RBFOX1: variants seen among roughly 807,000 people sequenced by gnomAD.
RBFOX1 encodes RNA binding fox-1 homolog 1.
A neutral mutation model predicts 57.7 loss-of-function variants in RBFOX1; 8 were observed. The ratio of observed to expected loss-of-function variants is 0.14; its 90% CI spans 0.08 to 0.25. The LOEUF (loss-of-function observed/expected upper bound fraction) is 0.25, where lower values mean the gene tolerates loss of function less well. Among genes scored for constraint, RBFOX1 ranks in the 10% least tolerant of loss-of-function variants. RBFOX1 has a pLI of 1.00. For synonymous variants in RBFOX1, 326 were observed against 222.4 expected (o/e 1.47, Z -4.15); for missense variants, 611 against 548.5 (o/e 1.11, Z -1.14).
chr16:7,005,863 T>C (rs1188753241), intron 3 of RBFOX1, among the ~76,000 whole-genome samples: 2 of 152,176 alleles, frequency 1.3e-5, no homozygotes, highest in African/African-American at 4.8e-5. Context: ...TTCACTAAAT[T>C]CTTCCCTTCT....
chr16:7,436,113 C>T (rs1330199413), intron 4 of RBFOX1, among the ~76,000 whole-genome samples: 1 of 152,098 alleles, frequency 6.6e-6, no homozygotes, highest in Admixed American at 6.5e-5. Context: ...CTCAAGATAG[C>T]CTTTTTGGAG....
chr16:7,022,433 C>G (rs889991078), intron 3 of RBFOX1, among the ~76,000 whole-genome samples: 1 of 151,966 alleles, frequency 6.6e-6, no homozygotes, highest in Non-Finnish European at 1.5e-5. Flanking sequence ...TATCTTCATG[C>G]CCCACATTTC....
intron 1 of RBFOX1, among the ~76,000 whole-genome samples, chr16:6,137,288 T>A (rs569126076): frequency 6.6e-6 from 1 of 152,288 alleles, no homozygotes; most frequent in East Asian, 1.9e-4. Flanking sequence ...CATATATTAT[T>A]TATCTTTCAC....
rs147761289 is a variant in RBFOX1 at position 7,419,536 on chromosome 16, C to G, written c.28-98611C>G. Among the ~76,000 whole-genome samples the G allele has an allele frequency of 3.9e-5, 6 of 152,354 alleles. No individual in the cohort carries two copies. In the East Asian group the frequency reaches 5.8e-4, roughly 15 times the overall value. ...TTTCCTGCGCATTTGAATAATACAT[C>G]TGATTACCATGGCAAATGTTGCGGC... On this transcript the variant is annotated intron_variant, in intron 4 of 15. Coordinates refer to ENST00000550418, the MANE Select transcript of RBFOX1 (RefSeq NM_018723.4).
intron 4 of RBFOX1, among the ~76,000 whole-genome samples, chr16:7,110,308 C>G (rs963859266): frequency 6.6e-6 from 1 of 151,918 alleles, no homozygotes. Flanking sequence ...CTGTGGTGAA[C>G]TATGATCATG....
At chr16:5,250,390 A>T (rs982295426) in intron 1 of RBFOX1, among the ~76,000 whole-genome samples, 1 of 152,030 alleles carries the variant, frequency 6.6e-6, no homozygotes, top group African/African-American at 2.4e-5. Context: ...CCCCGCATGC[A>T]TTAGGTATTT....
At chr16:6,296,785 C>T (rs892416064) in intron 1 of RBFOX1, among the ~76,000 whole-genome samples, 2 of 152,168 alleles carry the variant, frequency 1.3e-5, no homozygotes, top group African/African-American at 2.4e-5. Context: ...CATGAGTTTA[C>T]TTGCCAGAGG....
intron 2 of RBFOX1, among the ~76,000 whole-genome samples, chr16:6,428,590 A>G (rs1455432451): frequency 6.6e-6 from 1 of 152,152 alleles, no homozygotes; most frequent in African/African-American, 2.4e-5. Context: ...GATTCTAGGA[A>G]TTAATGTATG....
intron 3 of RBFOX1, among the ~76,000 whole-genome samples, chr16:5,655,907 G>A (rs1055703121): frequency 6.6e-6 from 1 of 152,192 alleles, no homozygotes; most frequent in African/African-American, 2.4e-5. Flanking sequence ...TTGTAGATTA[G>A]GTAGATCTCC....
intron 3 of RBFOX1, among the ~76,000 whole-genome samples, chr16:6,863,300 C>T (rs2059333578): frequency 6.6e-6 from 1 of 152,040 alleles, no homozygotes; most frequent in African/African-American, 2.4e-5. Context: ...AAGTGATTAG[C>T]AGCAAATGGT....
chr16:5,799,111 A>AT (rs2054975402), intron 3 of RBFOX1, among the ~76,000 whole-genome samples: 1 of 152,142 alleles, frequency 6.6e-6, no homozygotes, highest in Non-Finnish European at 1.5e-5. Flanking sequence ...CCTCACAATC[A>AT]TGGTGGCAGG....
chr16:5,347,885 C>G (rs1391136072), intron 1 of RBFOX1, among the ~76,000 whole-genome samples: 2 of 148,470 alleles, frequency 1.3e-5, no homozygotes, highest in Non-Finnish European at 3.0e-5. Flanking sequence ...CACTCACCCA[C>G]CCATTCATCC....
At chr16:5,540,746 G>A (rs1309851257) in intron 2 of RBFOX1, among the ~76,000 whole-genome samples, 1 of 152,204 alleles carries the variant, frequency 6.6e-6, no homozygotes, top group Non-Finnish European at 1.5e-5. Context: ...CTAAAAGTAT[G>A]GTCTGTGGAC....
chr16:5,513,420 C>G (rs1217486903), intron 2 of RBFOX1, among the ~76,000 whole-genome samples: 1 of 152,112 alleles, frequency 6.6e-6, no homozygotes, highest in African/African-American at 2.4e-5. Flanking sequence ...CGCTGTTAAC[C>G]TTGGCCTTGA....
intron 1 of RBFOX1, among the ~76,000 whole-genome samples, chr16:5,366,889 T>C (rs763476964): frequency 6.6e-6 from 1 of 152,204 alleles, no homozygotes; most frequent in Non-Finnish European, 1.5e-5. Flanking sequence ...CACCCTTTGC[T>C]TGGTCTTAAG....
intron 4 of RBFOX1, among the ~76,000 whole-genome samples, chr16:7,470,599 G>C (rs961616661): frequency 6.6e-6 from 1 of 152,098 alleles, no homozygotes; most frequent in Admixed American, 6.6e-5. Context: ...TGGGCGGATG[G>C]ATGGATGGAT....
At chr16:5,334,414 TG>T (rs1163603909) in intron 1 of RBFOX1, among the ~76,000 whole-genome samples, 2 of 152,164 alleles carry the variant, frequency 1.3e-5, no homozygotes, top group African/African-American at 4.8e-5. Context: ...GCTATGTTCC[TG>T]CTCTGTCAGA....
intron 4 of RBFOX1, among the ~76,000 whole-genome samples, chr16:6,010,346 G>A (rs185156459): frequency 1.4e-3 from 206 of 152,298 alleles, no homozygotes; most frequent in Non-Finnish European, 2.5e-3. Flanking sequence ...CCCTTGCCCC[G>A]GGGTGGGGTT....
chr16:5,551,574 C>G (rs1394369433), intron 2 of RBFOX1, among the ~76,000 whole-genome samples: 1 of 152,210 alleles, frequency 6.6e-6, no homozygotes, highest in Non-Finnish European at 1.5e-5. Flanking sequence ...TGCCTGTTCT[C>G]TAGCAGCTTG....
Sources: gnomAD v4.1 joint callset for allele counts (sites outside exome capture counted in the v4.1 genomes callset) on GRCh38, gnomAD v4.1.1 for gene constraint, MANE v1.5 for transcripts, NCBI Gene and HGNC (gene_info 2026-07-23, HGNC 2026-07-21) for gene names.